FAM184A: variants seen among roughly 807,000 people sequenced by gnomAD.
The protein encoded by FAM184A is protein FAM184A.
Under a neutral mutation model 143.8 loss-of-function variants are expected in FAM184A, and 99 were observed. That is an observed-to-expected ratio of 0.69 (90% CI 0.58 to 0.81). The LOEUF (loss-of-function observed/expected upper bound fraction) is 0.81. Among genes scored for constraint, FAM184A ranks in the 40% least tolerant of loss-of-function variants. The pLI is 0.00. For synonymous variants in FAM184A, 427 were observed against 446.4 expected (o/e 0.96, Z 0.55); for missense variants, 1,217 against 1,310.5 (o/e 0.93, Z 1.10).
chr6:119,049,238 A>T (rs560579417), intron 1 of FAM184A, among the ~76,000 whole-genome samples: 10 of 152,320 alleles, frequency 6.6e-5, no homozygotes, highest in Non-Finnish European at 1.2e-4. Context: ...ACCTGAGGTC[A>T]GGAGTTCGAG....
At chr6:119,079,988 C>G (rs1471132461), upstream of FAM184A, among the ~76,000 whole-genome samples, 1 of 152,158 alleles carries the variant, frequency 6.6e-6, no homozygotes, top group Non-Finnish European at 1.5e-5. Context: ...ACAAATGTTG[C>G]TCCTTAAGCA....
chr6:118,990,520 G>T (rs1784343632), intron 9 of FAM184A, among the ~76,000 whole-genome samples: 1 of 152,040 alleles, frequency 6.6e-6, no homozygotes, highest in Non-Finnish European at 1.5e-5. Flanking sequence ...TAGTGCTGCT[G>T]GGTGGCAATA....
At chr6:119,034,394 A>C (rs995126882) in intron 1 of FAM184A, among the ~76,000 whole-genome samples, 2 of 151,924 alleles carry the variant, frequency 1.3e-5, no homozygotes, top group Non-Finnish European at 2.9e-5. Flanking sequence ...TAGCATTATT[A>C]TTCCCAGGAA....
chr6:119,050,508 A>G (rs1368946354), intron 1 of FAM184A, among the ~76,000 whole-genome samples: 1 of 151,582 alleles, frequency 6.6e-6, no homozygotes, highest in African/African-American at 2.4e-5. Context: ...CAGCCATAAA[A>G]AAAAAATGAG....
chr6:118,989,777 G>A lies in FAM184A; in HGVS notation c.2089-9427C>T, dbSNP rs1784312206. Among the ~76,000 whole-genome samples the A allele has an allele frequency of 2.0e-5, 3 of 151,220 alleles. 1 individual carries two copies. The South Asian group carries it at 6.2e-4, about 31-fold the overall frequency. Reference sequence around the variant, plus strand: ...TTCACAAAACTTAAGAAAATTGGAAGAACTTTTAGTTGTAGTATTTTTACA... The same window carrying A: ...TTCACAAAACTTAAGAAAATTGGAAAAACTTTTAGTTGTAGTATTTTTACA... On this transcript the variant is annotated intron_variant, in intron 9 of 17. Transcript: ENST00000338891.
At chr6:118,993,155 T>C (rs1784430559) in intron 9 of FAM184A, among the ~76,000 whole-genome samples, 1 of 152,332 alleles carries the variant, frequency 6.6e-6, no homozygotes, top group Admixed American at 6.5e-5. Flanking sequence ...TTTTAAAGCA[T>C]CTTAAATTTC....
intron 9 of FAM184A, among the ~76,000 whole-genome samples, chr6:118,984,925 TA>T (rs762565926): frequency 3.9e-5 from 6 of 152,150 alleles, no homozygotes; most frequent in Non-Finnish European, 8.8e-5. Context: ...TTTATCAAAG[TA>T]AAAAGTGGTT....
At chr6:119,030,276 TA>T (rs1373932034) in intron 1 of FAM184A, among the ~76,000 whole-genome samples, 2 of 152,102 alleles carry the variant, frequency 1.3e-5, no homozygotes, top group Non-Finnish European at 1.5e-5. Context: ...AATACACCAC[TA>T]CTAACTTATT....
Position 119,016,925 on chromosome 6 carries a change from C to T in FAM184A, c.1352G>A (p.Arg451Lys). The change falls in exon 5 of 18, where the codon AGA becomes AAA. Residue 451 changes from arginine (R) to lysine (K), a missense_variant. Coordinates refer to ENST00000338891, the MANE Select transcript of FAM184A (RefSeq NM_024581.6). ...CCTTTCATAATATTCTTGCTGAGTT[C>T]TCTTTGCTTCATTTACTTTCTAAAA... The part of the protein sequence containing the change: ...ELEKKVNEAK[R>K]TQQEYYEREL... 6.2e-7 allele frequency: 1 copy of T among 1,605,702 alleles called. No homozygotes were observed. The highest frequency in any genetic ancestry group is 1.1e-5 in the South Asian group (1 of 88,960).
At chr6:119,035,621 A>G (rs1482212502) in intron 1 of FAM184A, among the ~76,000 whole-genome samples, 1 of 152,110 alleles carries the variant, frequency 6.6e-6, no homozygotes, top group Non-Finnish European at 1.5e-5. Flanking sequence ...GTATCTTTTT[A>G]GGTCTGATAA....
At position 119,019,995 on chromosome 6, in the gene FAM184A, T is replaced by G; in HGVS notation, c.1315A>C (p.Ile439Leu). 1 of 1,583,854 alleles carries G rather than the reference T, an allele frequency of 6.3e-7. No homozygotes were observed. Among genetic ancestry groups the G allele is most frequent in the Non-Finnish European group, 8.5e-7 (1 of 1,169,654 alleles). ...CTTTTTACCTTCTCCAGTTCTAGAATCTGTTGCTTCTGCTCTTCATCCAGA... is the reference window on the plus strand; with the variant it reads ...CTTTTTACCTTCTCCAGTTCTAGAAGCTGTTGCTTCTGCTCTTCATCCAGA... Reference protein sequence around the residue: ...QSLDEEQKQQILELEKKVNEA... With the variant: ...QSLDEEQKQQLLELEKKVNEA... The change falls in exon 4 of 18, where the codon ATT becomes CTT. Residue 439 changes from isoleucine to leucine, a missense_variant. Coordinates refer to ENST00000338891, the MANE Select transcript of FAM184A (RefSeq NM_024581.6).
intron 1 of FAM184A, among the ~76,000 whole-genome samples, chr6:119,032,953 C>G (rs1483739279): frequency 1.3e-5 from 2 of 152,130 alleles, no homozygotes; most frequent in African/African-American, 4.8e-5. Flanking sequence ...TGGGTTACTT[C>G]CTTCTGCCAG....
At chr6:119,104,725 G>T (rs1052465302) in intron 1 of FAM184A, among the ~76,000 whole-genome samples, 1 of 152,086 alleles carries the variant, frequency 6.6e-6, no homozygotes, top group Admixed American at 6.5e-5. Context: ...CACTCCTTAA[G>T]TGTGGACTGC....
At chr6:119,033,742 A>G (rs1035410914) in intron 1 of FAM184A, among the ~76,000 whole-genome samples, 8 of 151,070 alleles carry the variant, frequency 5.3e-5, no homozygotes, top group African/African-American at 1.9e-4. Flanking sequence ...CTGTAATCCC[A>G]GGACTTTGGG....
At chr6:119,145,530 A>C (rs1772395558) in intron 1 of FAM184A, among the ~76,000 whole-genome samples, 1 of 152,118 alleles carries the variant, frequency 6.6e-6, no homozygotes, top group Non-Finnish European at 1.5e-5. Flanking sequence ...TAAAAGTGAA[A>C]AGTTGGTTGA....
intron 12 of FAM184A, among the ~76,000 whole-genome samples, chr6:118,975,528 T>C (rs1783820094): frequency 6.6e-6 from 1 of 152,220 alleles, no homozygotes; most frequent in Non-Finnish European, 1.5e-5. Context: ...TAGAACACAG[T>C]GCTCTTACAT....
At chr6:119,022,869 T>C in intron 3 of FAM184A, 76 bp downstream of exon 3, 1 of 1,577,246 alleles carries the variant, frequency 6.3e-7, no homozygotes, top group Non-Finnish European at 8.7e-7. Flanking sequence ...AGAGCAAGAC[T>C]CTGTCTCCAA....
chr6:119,079,598 T>G (rs1788001667), upstream of FAM184A, among the ~76,000 whole-genome samples: 1 of 151,600 alleles, frequency 6.6e-6, no homozygotes, highest in Admixed American at 6.6e-5. Context: ...TTTTAGGGCA[T>G]GGATAATACT....
At chr6:119,023,311 A>G (rs190691178) in intron 2 of FAM184A, among the ~76,000 whole-genome samples, 1 of 152,298 alleles carries the variant, frequency 6.6e-6, no homozygotes, top group Non-Finnish European at 1.5e-5. Context: ...CACAGATATT[A>G]AAAACATGGC....
Sources: allele counts gnomAD v4.1 joint callset (sites outside exome capture counted in the v4.1 genomes callset), GRCh38; gene constraint gnomAD v4.1.1; transcripts MANE v1.5; gene names NCBI Gene and HGNC (gene_info 2026-07-23, HGNC 2026-07-21).